KY: variants seen among roughly 807,000 people sequenced by gnomAD.
KY encodes the protein kyphoscoliosis peptidase.
KY carries 43 observed loss-of-function variants against 76.1 expected under a neutral mutation model. The observed-to-expected ratio is 0.57, with a 90% CI of 0.44 to 0.73. KY has a LOEUF of 0.73. KY is among the 30% of genes least tolerant of loss of function. The pLI, the probability that KY is intolerant of heterozygous loss-of-function variation, is 0.00. For synonymous variants in KY, 277 were observed against 326.2 expected (o/e 0.85, Z 1.63); for missense variants, 722 against 828.9 (o/e 0.87, Z 1.58).
chr3:134,650,978 G>A lies in KY; in HGVS notation c.-18C>T. 6.2e-7 allele frequency: 1 copy of A among 1,612,732 alleles called. No homozygotes were observed. Among genetic ancestry groups the A allele is most frequent in the Non-Finnish European group, 8.5e-7 (1 of 1,179,304 alleles). On this transcript the variant is annotated 5_prime_UTR_variant, in exon 1 of 11. Transcript: ENST00000423778. ...AGCTCCATGATGCCGCCTCCTTTCC[G>A]ACCTGGGCGCCGCGGCCGCACGCTA...
chr3:134,610,582 G>T, intron 8 of KY, 199 bp from the exon 9 acceptor site: 2 of 568,322 alleles, frequency 3.5e-6, no homozygotes, highest in South Asian at 4.4e-5. Context: ...TACAGTGCTG[G>T]CTGGTCCTGT....
chr3:134,604,836 C>G (rs1317583161), intron 10 of KY, among the ~76,000 whole-genome samples: 1 of 152,184 alleles, frequency 6.6e-6, no homozygotes, highest in African/African-American at 2.4e-5. Flanking sequence ...GGTCATGGGT[C>G]AGGAGGGGCA....
Position 134,603,486 on chromosome 3 carries a change from CAGT to C in KY, c.*90_*92del. 1 of 1,119,066 alleles carries C rather than the reference CAGT, an allele frequency of 8.9e-7. No individual in the cohort carries two copies. Among genetic ancestry groups the C allele is most frequent in the Non-Finnish European group, 1.3e-6 (1 of 782,170 alleles). 69.3% of individuals were successfully genotyped at this position (1,119,066 alleles called of 1,614,324 possible). A position where few individuals can be genotyped will look rare whatever the true frequency, so the allele number is the denominator to read the frequency against. On this transcript the variant is annotated 3_prime_UTR_variant, in exon 11 of 11. Coordinates refer to ENST00000423778, the MANE Select transcript of KY (RefSeq NM_178554.6). ...GCCTAGAAGGGATTTCATGCAGACT[CAGT>C]GGTGTCCAGGGCTCCCTGCACTTCC...
intron 9 of KY, among the ~76,000 whole-genome samples, chr3:134,609,210 T>C (rs1180247322): frequency 6.6e-6 from 1 of 152,210 alleles, no homozygotes; most frequent in African/African-American, 2.4e-5. Flanking sequence ...TTGAATTCAC[T>C]GCCTCCATCT....
chr3:134,637,482 C>A (rs773048488), intron 3 of KY, among the ~76,000 whole-genome samples: 1 of 152,208 alleles, frequency 6.6e-6, no homozygotes, highest in Non-Finnish European at 1.5e-5. Context: ...TCTGAGTAGT[C>A]CTGTAGTAAA....
chr3:134,636,416 T>C (rs1964977168), intron 3 of KY, among the ~76,000 whole-genome samples: 1 of 152,216 alleles, frequency 6.6e-6, no homozygotes, highest in Non-Finnish European at 1.5e-5. Flanking sequence ...AGAAGTGATG[T>C]TGCACAAATT....
Position 134,651,010 on chromosome 3 carries a change from T to G in KY, c.-50A>C. On this transcript the variant is annotated 5_prime_UTR_variant, in exon 1 of 11. Coordinates refer to ENST00000423778, the MANE Select transcript of KY (RefSeq NM_178554.6). ...GCGCCGCGGCCGCACGCTAGGCTGC[T>G]TGCGCTGCAAATGGCCCCGTGCGCG... is the stretch of plus-strand genomic sequence containing the variant. 1 of 1,610,492 alleles carries G rather than the reference T, an allele frequency of 6.2e-7. No homozygotes were observed. Among genetic ancestry groups the G allele is most frequent in the Non-Finnish European group, 8.5e-7 (1 of 1,178,364 alleles).
rs374489792 is a variant in KY, at chr3:134,604,269, C to T, written c.1296G>A (p.Thr432=). Residue 432 remains threonine, a synonymous_variant, in exon 11 of 11, where the codon ACG becomes ACA. Transcript: ENST00000423778. The stretch of plus-strand genomic sequence containing the variant: ...CCATGTCCACATAATTGCACTTGAG[C>T]GTGTACTCCAGCACTGAGCTGTAGA... ...SDIYSSVLEY[T]LKCNYVDMGV... is the part of the protein sequence containing the mutation. 17 of 1,613,822 alleles carry T rather than the reference C, an allele frequency of 1.1e-5. No individual in the cohort carries two copies. The highest frequency in any genetic ancestry group is 3.3e-4 in the Middle Eastern group (2 of 6,060).
intron 4 of KY, 169 bp downstream of exon 4, chr3:134,629,452 A>G: frequency 1.7e-6 from 1 of 577,948 alleles, no homozygotes. Flanking sequence ...GGGTGTAGAG[A>G]AAAGAGTCTC....
At chr3:134,623,713 C>T (rs1415915390) in intron 6 of KY, among the ~76,000 whole-genome samples, 1 of 152,130 alleles carries the variant, frequency 6.6e-6, no homozygotes, top group Non-Finnish European at 1.5e-5. Flanking sequence ...TGTGCACTGC[C>T]CCTCTGGAGG....
chr3:134,618,422 CT>C (rs1961957745), intron 8 of KY, among the ~76,000 whole-genome samples: 1 of 152,194 alleles, frequency 6.6e-6, no homozygotes, highest in Admixed American at 6.5e-5. Context: ...CATCCACCCC[CT>C]GGGGAGGGGT....
At position 134,602,538 on chromosome 3, in the gene KY, G is replaced by A. The variant is rs1560093006; in HGVS notation, c.*1041C>T. 1.3e-5 allele frequency among the ~76,000 whole-genome samples: 2 copies of A among 152,312 alleles called. No individual in the cohort carries two copies. The highest frequency in any genetic ancestry group is 2.1e-4 in the South Asian group (1 of 4,830). On this transcript the variant is annotated 3_prime_UTR_variant, in exon 11 of 11. Coordinates refer to ENST00000423778, the MANE Select transcript of KY (RefSeq NM_178554.6). ...GGCTTTGCTGGTAGAGACACTGGGG[G>A]CAGGCAGAGCCCTGTTAAAGTGTGA...
At chr3:134,623,477 T>C in intron 6 of KY, among the ~76,000 whole-genome samples, 1 of 152,130 alleles carries the variant, frequency 6.6e-6, no homozygotes, top group Non-Finnish European at 1.5e-5. Context: ...ACTTCCCTTC[T>C]TCAATCAATG....
At chr3:134,608,095 G>C in intron 10 of KY, 1 of 1,122,582 alleles carries the variant, frequency 8.9e-7, no homozygotes, top group Non-Finnish European at 1.1e-6. Context: ...TGTCCTGGGA[G>C]ACCCATGTTG....
intron 8 of KY, among the ~76,000 whole-genome samples, chr3:134,618,006 G>A (rs922402526): frequency 6.6e-5 from 10 of 152,144 alleles, no homozygotes; most frequent in Admixed American, 1.3e-4. Context: ...TGGGTCTGGG[G>A]TAGGGGGTGG....
chr3:134,605,972 TTCTC>T (rs1959189505), intron 10 of KY, among the ~76,000 whole-genome samples: 1 of 152,204 alleles, frequency 6.6e-6, no homozygotes, highest in Non-Finnish European at 1.5e-5. Context: ...TCTACATGCT[TTCTC>T]TACTGCCTTC....
At position 134,610,376 on chromosome 3, in the gene KY, C is replaced by CG. The variant is rs1560104585; in HGVS notation, c.717dup (p.Gly240ArgfsTer27). On this transcript the variant is annotated frameshift_variant, in exon 9 of 11. Transcript: ENST00000423778. LOFTEE classifies it high-confidence loss of function. ...CCAGGCACGGTCATACACTGCACTCCGGCGAGCCTGGGGGCAGGACAGGGG... is the reference window on the plus strand; with the variant it reads ...CCAGGCACGGTCATACACTGCACTCCGGGCGAGCCTGGGGGCAGGACAGGGG... 5 of 1,611,070 alleles carry CG rather than the reference C, an allele frequency of 3.1e-6. No homozygotes were observed. Among genetic ancestry groups the CG allele is most frequent in the Non-Finnish European group, 2.5e-6 (3 of 1,178,626 alleles).
chr3:134,647,334 T>C, intron 2 of KY, 101 bp downstream of exon 2: 1 of 924,162 alleles, frequency 1.1e-6, no homozygotes, highest in Non-Finnish European at 1.7e-6. Flanking sequence ...CGTTCAGTGG[T>C]TAGATGTCTA....
In KY at chr3:134,604,155, G is replaced by T. The variant is rs565873274; in HGVS notation, c.1410C>A (p.Asp470Glu). 6.2e-7 allele frequency: 1 copy of T among 1,608,708 alleles called. No homozygotes were observed. The change falls in exon 11 of 11, where the codon GAC becomes GAA. Residue 470 changes from aspartate (D) to glutamate (E), a missense_variant. By Grantham distance (45) the Asp-to-Glu change is conservative. Coordinates refer to ENST00000423778, the MANE Select transcript of KY (RefSeq NM_178554.6). The stretch of plus-strand genomic sequence containing the variant: ...GCCCGTCGCTGGTGTGGATGATAGG[G>T]TCAGGGTGGGAGGGCTTCATGATGC... ...QMGIMKPSHP[D>E]PIIHTSDGRC...
Sources: allele counts gnomAD v4.1 joint callset (sites outside exome capture counted in the v4.1 genomes callset), GRCh38; gene constraint gnomAD v4.1.1; transcripts MANE v1.5; gene names NCBI Gene and HGNC (gene_info 2026-07-23, HGNC 2026-07-21).